MID1: variants seen among roughly 807,000 people sequenced by gnomAD.
MID1 encodes midline 1.
A neutral mutation model predicts 40.4 loss-of-function variants in MID1; 7 were observed. That is an observed-to-expected ratio of 0.17 (90% CI 0.10 to 0.33). MID1 has a LOEUF of 0.33. Among genes scored for constraint, MID1 ranks in the 10% least tolerant of loss-of-function variants. The pLI is 1.00. For synonymous variants in MID1, 229 were observed against 221.2 expected (o/e 1.04, Z -0.31); for missense variants, 367 against 558.5 (o/e 0.66, Z 3.46).
At chrX:10,783,208 A>G (rs2043858119) in intron 1 of MID1, among the ~76,000 whole-genome samples, 1 of 111,633 alleles carries the variant, frequency 9.0e-6, no homozygotes, top group Non-Finnish European at 1.9e-5. Context: ...ATTCTTAAAT[A>G]GACAGCCACA....
chrX:10,508,880 T>C (rs888135393), intron 3 of MID1, among the ~76,000 whole-genome samples: 2 of 111,597 alleles, frequency 1.8e-5, no homozygotes, highest in African/African-American at 6.5e-5. Context: ...CTGAGCTCCA[T>C]AGAGTCTGGC....
At chrX:10,664,319 G>A (rs1406602455) in intron 1 of MID1, among the ~76,000 whole-genome samples, 1 of 111,262 alleles carries the variant, frequency 9.0e-6, no homozygotes, top group Non-Finnish European at 1.9e-5. Context: ...GTACCACCAT[G>A]TCCAGCTATT....
At chrX:10,767,899 A>G (rs2043742067) in intron 1 of MID1, among the ~76,000 whole-genome samples, 1 of 112,124 alleles carries the variant, frequency 8.9e-6, no homozygotes, top group Non-Finnish European at 1.9e-5. Context: ...AAATCAATGT[A>G]TTTATTAGAT....
chrX:10,650,773 A>G (rs913751336), intron 1 of MID1, among the ~76,000 whole-genome samples: 2 of 111,603 alleles, frequency 1.8e-5, no homozygotes, highest in East Asian at 5.7e-4. Flanking sequence ...TAATACCTTT[A>G]TATGGCTTTT....
chrX:10,693,068 C>A (rs922516551), intron 1 of MID1, among the ~76,000 whole-genome samples: 1 of 111,712 alleles, frequency 9.0e-6, no homozygotes. Flanking sequence ...CCATTATTTT[C>A]CTGCCCTTAA....
At chrX:10,637,843 C>T (rs1936137522) in intron 1 of MID1, among the ~76,000 whole-genome samples, 1 of 111,098 alleles carries the variant, frequency 9.0e-6, no homozygotes, top group South Asian at 3.8e-4. Flanking sequence ...TTAGTCTGGA[C>T]AAATGTGCCA....
chrX:10,516,589 TGTGTGTGTGTGTGTGTGTGTGCGCGC>T (rs1210473006), intron 3 of MID1, among the ~76,000 whole-genome samples: 1,639 of 86,142 alleles, frequency 0.019, 26 homozygotes, highest in African/African-American at 0.056. Flanking sequence ...TGTGTGTGTG[TGTGTGTGTGTGTGTGTGTGTGCGCGC>T]GCGCACGCGT....
At chrX:10,752,691 C>T (rs774028263) in intron 1 of MID1, among the ~76,000 whole-genome samples, 9 of 111,630 alleles carry the variant, frequency 8.1e-5, no homozygotes, top group Non-Finnish European at 1.3e-4. Context: ...TCAAGGGTGA[C>T]GTTGCTCTGT....
At chrX:10,550,560 T>C (rs1239645037) in intron 2 of MID1, among the ~76,000 whole-genome samples, 1 of 111,365 alleles carries the variant, frequency 9.0e-6, no homozygotes, top group Non-Finnish European at 1.9e-5. Context: ...GGGAGGGGAG[T>C]TCTGCAATGT....
intron 1 of MID1, among the ~76,000 whole-genome samples, chrX:10,572,165 C>A (rs764430984): frequency 4.8e-5 from 5 of 103,833 alleles, no homozygotes; most frequent in African/African-American, 1.4e-4. Context: ...CTCTCTCTCT[C>A]TCTATATATA....
At chrX:10,553,192 G>A (rs1435940036) in intron 2 of MID1, among the ~76,000 whole-genome samples, 1 of 108,537 alleles carries the variant, frequency 9.2e-6, no homozygotes, top group Non-Finnish European at 1.9e-5. Context: ...AGGTTGCAGT[G>A]AGCCGAGATC....
intron 1 of MID1, among the ~76,000 whole-genome samples, chrX:10,595,205 T>C (rs1354315290): frequency 8.9e-6 from 1 of 111,927 alleles, no homozygotes; most frequent in Non-Finnish European, 1.9e-5. Flanking sequence ...CTTAAAGATC[T>C]CTTTCTGGAA....
chrX:10,492,079 T>C (rs1264756118), intron 4 of MID1, among the ~76,000 whole-genome samples: 1 of 112,019 alleles, frequency 8.9e-6, no homozygotes, highest in Non-Finnish European at 1.9e-5. Flanking sequence ...TGCTTTCCTA[T>C]CTATTTTTTT....
intron 3 of MID1, among the ~76,000 whole-genome samples, chrX:10,498,628 C>T: frequency 8.9e-6 from 1 of 111,957 alleles, no homozygotes; most frequent in East Asian, 2.8e-4. Context: ...TGCCCTAGCT[C>T]CAGCCCGAGG....
rs1249763163 is a variant in MID1, at chrX:10,660,812, A to G, written c.-186-40393T>C. Among the ~76,000 whole-genome samples the G allele has an allele frequency of 1.9e-4, 21 of 112,180 alleles. No homozygotes were observed. The Admixed American group carries it at 2.0e-3, about 11-fold the overall frequency. ...TCACACTGATTAGACATAATTACAG[A>G]AACAAAATATGCAGAATACATTTTA... On this transcript the variant is annotated intron_variant, in intron 1 of 10. Coordinates refer to the MID1 transcript ENST00000380785.
chrX:10,591,986 T>C (rs1010816045), intron 1 of MID1, among the ~76,000 whole-genome samples: 1 of 110,855 alleles, frequency 9.0e-6, no homozygotes, highest in African/African-American at 3.3e-5. Context: ...GATATGGTAA[T>C]GATCGAGCGT....
chrX:10,744,702 G>T lies in MID1; in HGVS notation c.-187+88852C>A, dbSNP rs1286432999. On this transcript the variant is annotated intron_variant, in intron 1 of 10. Coordinates refer to the MID1 transcript ENST00000380785. ...AGGGGCAGAATAATGTAACCTACAT[G>T]CATGCTTATTTTCAGCCCGACGCCA... Among the ~76,000 whole-genome samples, 7 of 111,026 alleles carry T rather than the reference G, an allele frequency of 6.3e-5. No homozygotes were observed. In the Admixed American group the frequency reaches 6.7e-4, roughly 11 times the overall value.
intron 1 of MID1, among the ~76,000 whole-genome samples, chrX:10,698,731 G>GA (rs777771037): frequency 0.022 from 1,499 of 67,577 alleles, 26 homozygotes; most frequent in East Asian, 0.059. Context: ...AGAAGAAAAA[G>GA]AAAAAAAAAA....
chrX:10,495,208 T>TATGTA (rs1447909872), intron 4 of MID1, among the ~76,000 whole-genome samples: 3 of 111,875 alleles, frequency 2.7e-5, no homozygotes, highest in Non-Finnish European at 5.6e-5. Context: ...ATTTTTAATT[T>TATGTA]ATGTAATGCT....
Sources: gnomAD v4.1 joint callset for allele counts (sites outside exome capture counted in the v4.1 genomes callset) on GRCh38, gnomAD v4.1.1 for gene constraint, MANE v1.5 for transcripts, NCBI Gene and HGNC (gene_info 2026-07-23, HGNC 2026-07-21) for gene names.